Variants in LYPLAL1 observed in about 807,000 individuals in gnomAD.
The protein encoded by LYPLAL1 is lysophospholipase-like protein 1.
A neutral mutation model predicts 19.7 loss-of-function variants in LYPLAL1; 23 were observed. The observed-to-expected ratio is 1.17, with a 90% CI of 0.84 to 1.65. The LOEUF is 1.65. LYPLAL1 is among the 40% of genes most tolerant of loss of function. LYPLAL1 has a pLI of 0.00. For missense variants in LYPLAL1, 355 were observed against 279.4 expected, an observed-to-expected ratio of 1.27 and a Z score of -1.93; for synonymous variants, 119 against 96.3, an observed-to-expected ratio of 1.24 and a Z score of -1.38.
the LYPLAL1 span, among the ~76,000 whole-genome samples, chr1:219,381,858 G>A: frequency 5.3e-5 from 8 of 152,286 alleles, no homozygotes; most frequent in Non-Finnish European, 1.2e-4. Flanking sequence ...CAGTTCATCA[G>A]GGAAAAGACA....
chr1:219,221,412 T>C, the LYPLAL1 span, among the ~76,000 whole-genome samples: 1 of 152,208 alleles, frequency 6.6e-6, no homozygotes, highest in African/African-American at 2.4e-5. Context: ...CTGGCTGTGT[T>C]CTTGATTTAC....
the LYPLAL1 span, among the ~76,000 whole-genome samples, chr1:219,288,396 T>C: frequency 6.6e-6 from 1 of 152,102 alleles, no homozygotes; most frequent in Non-Finnish European, 1.5e-5. Flanking sequence ...ACTCCAAATA[T>C]ATGACATTCT....
At chr1:219,202,033 A>C (rs1316444869) in intron 3 of LYPLAL1, among the ~76,000 whole-genome samples, 1 of 152,130 alleles carries the variant, frequency 6.6e-6, no homozygotes, top group African/African-American at 2.4e-5. Context: ...GTATTCCCTG[A>C]GTTAGAAACA....
the LYPLAL1 span, among the ~76,000 whole-genome samples, chr1:219,380,586 C>T: frequency 6.6e-6 from 1 of 152,194 alleles, no homozygotes; most frequent in South Asian, 2.1e-4. Flanking sequence ...AAGGTCTAAG[C>T]AGGTATTTCC....
At chr1:219,292,395 CTG>C in the LYPLAL1 span, among the ~76,000 whole-genome samples, 1 of 152,174 alleles carries the variant, frequency 6.6e-6, no homozygotes. Flanking sequence ...ATAGGAATTG[CTG>C]AGTCCTGCCC....
intron 4 of LYPLAL1, 41 bp from the exon 5 acceptor site, chr1:219,211,451 G>C (rs1267135408): frequency 2.4e-6 from 3 of 1,274,582 alleles, no homozygotes; most frequent in Admixed American, 2.3e-5. Flanking sequence ...ATCTTAAATG[G>C]AATTTCTTAA....
the LYPLAL1 span, among the ~76,000 whole-genome samples, chr1:219,320,807 A>T: frequency 6.6e-6 from 1 of 152,166 alleles, no homozygotes; most frequent in Middle Eastern, 3.2e-3. Flanking sequence ...TCCATTGTGT[A>T]TATGTGCCAC....
At chr1:219,425,171 G>T in the LYPLAL1 span, among the ~76,000 whole-genome samples, 1 of 152,114 alleles carries the variant, frequency 6.6e-6, no homozygotes, top group Non-Finnish European at 1.5e-5. Context: ...GGTGCAAGGG[G>T]CAAGGGGCTC....
the LYPLAL1 span, among the ~76,000 whole-genome samples, chr1:219,326,918 C>T: frequency 5.9e-5 from 9 of 152,208 alleles, no homozygotes; most frequent in South Asian, 1.0e-3. Context: ...GCTGAGAAGT[C>T]GCCAGCAAAG....
the LYPLAL1 span, among the ~76,000 whole-genome samples, chr1:219,390,207 G>T: frequency 6.6e-6 from 1 of 152,112 alleles, no homozygotes; most frequent in East Asian, 1.9e-4. Context: ...CAAATATGGC[G>T]CTTTGACATG....
chr1:219,311,194 A>G, the LYPLAL1 span, among the ~76,000 whole-genome samples: 1 of 151,834 alleles, frequency 6.6e-6, no homozygotes, highest in African/African-American at 2.4e-5. Flanking sequence ...CTTAACCACA[A>G]CCTTTATCTT....
the LYPLAL1 span, among the ~76,000 whole-genome samples, chr1:219,443,213 AC>A: frequency 4.6e-5 from 7 of 152,324 alleles, no homozygotes; most frequent in Non-Finnish European, 2.9e-5. Context: ...TAAGAAGTCA[AC>A]CTACCTTTTA....
At chr1:219,247,991 A>G in the LYPLAL1 span, among the ~76,000 whole-genome samples, 1 of 152,156 alleles carries the variant, frequency 6.6e-6, no homozygotes, top group South Asian at 2.1e-4. Flanking sequence ...GAATCAAATG[A>G]TAGTCTCTCT....
the LYPLAL1 span, among the ~76,000 whole-genome samples, chr1:219,331,897 C>T: frequency 1.3e-5 from 2 of 152,162 alleles, no homozygotes; most frequent in Admixed American, 6.6e-5. Flanking sequence ...AGAGTCTCAC[C>T]GCTTCTGGGG....
chr1:219,315,505 A>T, the LYPLAL1 span, among the ~76,000 whole-genome samples: 2 of 152,322 alleles, frequency 1.3e-5, no homozygotes, highest in South Asian at 4.1e-4. Flanking sequence ...AAGTGTAAGG[A>T]ATTTAGTAAC....
the LYPLAL1 span, among the ~76,000 whole-genome samples, chr1:219,234,420 TA>T: frequency 6.6e-5 from 10 of 152,256 alleles, no homozygotes; most frequent in African/African-American, 2.4e-4. Flanking sequence ...ATAACTTCCT[TA>T]AGTAATAGTT....
At chr1:219,258,385 T>C in the LYPLAL1 span, among the ~76,000 whole-genome samples, 1 of 152,044 alleles carries the variant, frequency 6.6e-6, no homozygotes, top group Middle Eastern at 3.2e-3. Flanking sequence ...AAGTGATAAA[T>C]GTCCATGAAA....
the LYPLAL1 span, among the ~76,000 whole-genome samples, chr1:219,366,903 G>A: frequency 2.3e-4 from 35 of 151,820 alleles, no homozygotes; most frequent in African/African-American, 8.5e-4. Context: ...TTTACTTCCA[G>A]AAAAATGAAA....
At chr1:219,258,308 A>T in the LYPLAL1 span, among the ~76,000 whole-genome samples, 1 of 152,076 alleles carries the variant, frequency 6.6e-6, no homozygotes, top group African/African-American at 2.4e-5. Context: ...CAGGATTAAG[A>T]GATTAAAGTA....
Sources: allele counts gnomAD v4.1 joint callset (sites outside exome capture counted in the v4.1 genomes callset), GRCh38; gene constraint gnomAD v4.1.1; transcripts MANE v1.5; gene names NCBI Gene and HGNC (gene_info 2026-07-23, HGNC 2026-07-21).